The following IPP variants were observed in gnomAD, a reference collection of about 807,000 sequenced individuals.
The protein encoded by IPP is intracisternal A particle-promoted polypeptide.
In IPP, 41 loss-of-function variants were observed where a neutral mutation model predicts 64.1. The ratio of observed to expected loss-of-function variants is 0.64; its 90% CI spans 0.50 to 0.83. The LOEUF (loss-of-function observed/expected upper bound fraction) is 0.83, where lower values mean the gene tolerates loss of function less well. IPP is among the 40% of genes least tolerant of loss of function. The pLI is 0.00. For missense variants in IPP, 649 were observed against 703.0 expected (o/e 0.92, Z 0.87); for synonymous variants, 214 against 235.2 (o/e 0.91, Z 0.83).
intron 3 of IPP, among the ~76,000 whole-genome samples, chr1:45,730,253 C>T (rs536316518): frequency 6.6e-6 from 1 of 151,748 alleles, no homozygotes; most frequent in Non-Finnish European, 1.5e-5. Flanking sequence ...TCAGGAGGTT[C>T]ATGTGGGAGT....
chr1:45,699,987 T>C lies in IPP; in HGVS notation c.1734A>G (p.Glu578=), dbSNP rs749815049. 9 of 1,613,974 alleles carry C rather than the reference T, an allele frequency of 5.6e-6. No homozygotes were observed. The highest frequency in any genetic ancestry group is 6.8e-6 in the Non-Finnish European group (8 of 1,179,924). ...TATTTCATAGCACAGCAACGCCCCC[T>C]TCACAACGACTGGTGATCATGTTAC... ...EIGNMITSRC[E]GGVAVL Residue 578 remains glutamate, a synonymous_variant, in exon 9 of 9, where the codon GAA becomes GAG. Coordinates refer to ENST00000396478, the MANE Select transcript of IPP (RefSeq NM_005897.3).
rs375442478 is a variant in IPP, at chr1:45,716,989, G to A, written c.1215C>T (p.Asn405=). 1.2e-6 allele frequency: 2 copies of A among 1,612,712 alleles called. No individual in the cohort carries two copies. The highest frequency in any genetic ancestry group is 1.3e-5 in the African/African-American group (1 of 74,870). ...LGGWVGAEIG[N]TIERFDPDEN... ...CATCAGGATCAAATCGTTCAATGGT[G>A]TTCCCTATCTCAGCTCCAACCCATC... The change falls in exon 7 of 9, where the codon AAC becomes AAT. Residue 405 remains asparagine (N), a synonymous_variant. Coordinates refer to ENST00000396478, the MANE Select transcript of IPP (RefSeq NM_005897.3).
intron 4 of IPP, among the ~76,000 whole-genome samples, chr1:45,728,935 G>A (rs1406971861): frequency 3.3e-5 from 5 of 151,660 alleles, no homozygotes; most frequent in African/African-American, 1.2e-4. Context: ...AGACCAGCCT[G>A]GCCAATATGG....
Position 45,699,012 on chromosome 1 carries a change from C to T in IPP, c.*954G>A. 1.0e-6 allele frequency: 1 copy of T among 983,904 alleles called. No individual in the cohort carries two copies. 60.9% of individuals were successfully genotyped at this position (983,904 alleles called of 1,614,324 possible). On this transcript the variant is annotated 3_prime_UTR_variant, in exon 9 of 9. Coordinates refer to ENST00000396478, the MANE Select transcript of IPP (RefSeq NM_005897.3). ...AAAGTGCTGGGATTACAGGTGTGAG[C>T]CACCATGCCCAGCCTAAAAAAGGGA...
chr1:45,741,453 A>G (rs1053084802), intron 2 of IPP, 121 bp from the exon 3 acceptor site: 22 of 653,146 alleles, frequency 3.4e-5, no homozygotes, highest in Non-Finnish European at 5.1e-5. Flanking sequence ...GACAGACACT[A>G]AAAAAGGCAA....
At chr1:45,728,001 G>A (rs954790830) in intron 4 of IPP, among the ~76,000 whole-genome samples, 7 of 152,070 alleles carry the variant, frequency 4.6e-5, no homozygotes, top group Admixed American at 3.3e-4. Flanking sequence ...TTTACCACTT[G>A]GTCTTGGTTA....
chr1:45,699,946 G>C lies in IPP; in HGVS notation c.*20C>G, dbSNP rs375523749. 1.2e-4 allele frequency: 191 copies of C among 1,610,198 alleles called. No homozygotes were observed. Among genetic ancestry groups the C allele is most frequent in the Non-Finnish European group, 1.6e-4 (187 of 1,177,252 alleles). ...CCTGCATTTTCAAAATGTTCCTTGT[G>C]CTCTGTTATGCTTTATATTTCATAG... On this transcript the variant is annotated 3_prime_UTR_variant, in exon 9 of 9. Coordinates refer to ENST00000396478, the MANE Select transcript of IPP (RefSeq NM_005897.3).
At chr1:45,731,519 C>A (rs760177838) in intron 3 of IPP, among the ~76,000 whole-genome samples, 1 of 152,158 alleles carries the variant, frequency 6.6e-6, no homozygotes, top group Non-Finnish European at 1.5e-5. Flanking sequence ...AGTAGTTGTA[C>A]TAGGTAGAAA....
At chr1:45,735,499 G>T (rs1188288879) in intron 3 of IPP, among the ~76,000 whole-genome samples, 2 of 118,106 alleles carry the variant, frequency 1.7e-5, no homozygotes, top group African/African-American at 3.2e-5. Context: ...TTGAGACAGG[G>T]TCTCATTCTC....
chr1:45,724,130 C>T (rs1244764618), intron 5 of IPP, among the ~76,000 whole-genome samples: 2 of 152,042 alleles, frequency 1.3e-5, no homozygotes, highest in African/African-American at 2.4e-5. Context: ...TGCAGGCGCG[C>T]GCCGCCACGC....
chr1:45,727,681 C>G lies in IPP; in HGVS notation c.998G>C (p.Arg333Pro). ...WTTVSSLHQA[R>P]SGLGVTVLGG... ...CAGAACTGTTACTCCCAGCCCACTT[C>G]GAGCCTGATGAAGTGAAGACACAGT... Residue 333 changes from arginine to proline, a missense_variant, in exon 5 of 9, where the codon CGA becomes CCA. By Grantham distance (103) the Arg-to-Pro change is moderately radical. Transcript: ENST00000396478. 6.3e-7 allele frequency: 1 copy of G among 1,595,236 alleles called. No individual in the cohort carries two copies. Among genetic ancestry groups the G allele is most frequent in the Non-Finnish European group, 8.6e-7 (1 of 1,165,968 alleles).
intron 5 of IPP, among the ~76,000 whole-genome samples, chr1:45,723,220 G>GT (rs1325156659): frequency 5.9e-5 from 9 of 152,122 alleles, no homozygotes; most frequent in African/African-American, 2.2e-4. Context: ...ATTATTCTGG[G>GT]TGGTATGATT....
chr1:45,696,388 T>C (rs1222551656), downstream of IPP, among the ~76,000 whole-genome samples: 4 of 152,194 alleles, frequency 2.6e-5, no homozygotes, highest in African/African-American at 9.6e-5. Context: ...ACTAAAAAAC[T>C]TGTGCAATCC....
Position 45,698,966 on chromosome 1 carries a change from C to G in IPP, c.*1000G>C, listed in dbSNP as rs1645414105. On this transcript the variant is annotated 3_prime_UTR_variant, in exon 9 of 9. Transcript: ENST00000396478. ...CGAACTCCTGAGTTCAAGCCATCTT[C>G]CCGTCTCACCTCGGCCTCTCAAAGT... 1 of 815,040 alleles carries G rather than the reference C, an allele frequency of 1.2e-6. No individual in the cohort carries two copies. Among genetic ancestry groups the G allele is most frequent in the East Asian group, 1.3e-4 (1 of 7,992 alleles). 50.5% of individuals were successfully genotyped at this position (815,040 alleles called of 1,614,324 possible). A position where few individuals can be genotyped will look rare whatever the true frequency, so the allele number is the denominator to read the frequency against.
chr1:45,700,515 T>C (rs922529962), intron 8 of IPP, among the ~76,000 whole-genome samples: 2 of 152,018 alleles, frequency 1.3e-5, no homozygotes, highest in African/African-American at 2.4e-5. Context: ...CTAATTTTTC[T>C]ATTGTAGAGA....
chr1:45,717,221 GAAAAAAAAAA>G (rs56338317), intron 6 of IPP, among the ~76,000 whole-genome samples: 6 of 95,260 alleles, frequency 6.3e-5, no homozygotes, highest in African/African-American at 8.2e-5. Flanking sequence ...GCTCTTTTGA[GAAAAAAAAAA>G]AAAAAAAAAA....
At position 45,700,096 on chromosome 1, in the gene IPP, G is replaced by A. The variant is rs1247336637; in HGVS notation, c.1625C>T (p.Ser542Phe). 1.9e-6 allele frequency: 3 copies of A among 1,614,014 alleles called. No individual in the cohort carries two copies. Among genetic ancestry groups the A allele is most frequent in the Non-Finnish European group, 1.7e-6 (2 of 1,180,034 alleles). The stretch of plus-strand genomic sequence containing the variant: ...TGGAGCCAAAAAATCATGGCTGGAA[G>A]ATCGACCTCCAGAAACATACAGAAG... The part of the protein sequence containing the change: ...NGLLYVSGGR[S>F]SSHDFLAPGT... The change falls in exon 9 of 9, where the codon TCT becomes TTT. Residue 542 changes from serine to phenylalanine, a missense_variant. Transcript: ENST00000396478.
intron 5 of IPP, among the ~76,000 whole-genome samples, chr1:45,722,538 C>A (rs978780022): frequency 6.7e-6 from 1 of 150,284 alleles, no homozygotes; most frequent in Admixed American, 6.7e-5. Context: ...GAGCGAGACT[C>A]CATCTCAAAA....
intron 3 of IPP, among the ~76,000 whole-genome samples, chr1:45,738,242 T>G (rs1379428898): frequency 6.6e-6 from 1 of 152,172 alleles, no homozygotes; most frequent in East Asian, 1.9e-4. Context: ...GGTCAAAGTT[T>G]CACTCTGTCT....
Sources: allele counts gnomAD v4.1 joint callset (sites outside exome capture counted in the v4.1 genomes callset), GRCh38; gene constraint gnomAD v4.1.1; transcripts MANE v1.5; gene names NCBI Gene and HGNC (gene_info 2026-07-23, HGNC 2026-07-21).